Variants in IQSEC1 observed in about 807,000 individuals in gnomAD.
IQSEC1 encodes IQ motif and Sec7 domain ArfGEF 1.
In IQSEC1, 31 loss-of-function variants were observed where a neutral mutation model predicts 91.0. The ratio of observed to expected loss-of-function variants is 0.34; its 90% CI spans 0.26 to 0.46. IQSEC1 has a LOEUF of 0.46. Ranked by LOEUF, IQSEC1 falls within the 20% of genes least tolerant of loss-of-function variation. The pLI, the probability that IQSEC1 is intolerant of heterozygous loss-of-function variation, is 1.00. For synonymous variants in IQSEC1, 699 were observed against 662.6 expected, an observed-to-expected ratio of 1.05 and a Z score of -0.84; for missense variants, 1,388 against 1,575.6, an observed-to-expected ratio of 0.88 and a Z score of 2.02.
chr3:12,943,606 G>A (rs959393500), intron 1 of IQSEC1, among the ~76,000 whole-genome samples: 4 of 152,168 alleles, frequency 2.6e-5, no homozygotes, highest in Non-Finnish European at 5.9e-5. Context: ...ACTCAGCTGC[G>A]GTGCCCCCTC....
intron 5 of IQSEC1, among the ~76,000 whole-genome samples, chr3:12,921,530 A>C (rs533958108): frequency 6.6e-6 from 1 of 152,374 alleles, no homozygotes; most frequent in African/African-American, 2.4e-5. Flanking sequence ...AACTGGGCTA[A>C]GTGTGCCCAC....
At chr3:13,180,580 C>T (rs574976667) in intron 1 of IQSEC1, among the ~76,000 whole-genome samples, 4,895 of 152,086 alleles carry the variant, frequency 0.032, 259 homozygotes, top group African/African-American at 0.11. Context: ...GGGTCCCCTT[C>T]CACACTGTGG....
At chr3:13,210,499 G>A (rs1350162538) in intron 1 of IQSEC1, among the ~76,000 whole-genome samples, 1 of 152,156 alleles carries the variant, frequency 6.6e-6, no homozygotes, top group Non-Finnish European at 1.5e-5. Flanking sequence ...CCCCTCCCCT[G>A]GGATAATTGC....
intron 2 of IQSEC1, among the ~76,000 whole-genome samples, chr3:13,114,498 T>C (rs1207173892): frequency 6.6e-6 from 1 of 152,022 alleles, no homozygotes; most frequent in Non-Finnish European, 1.5e-5. Context: ...TTTTTTAAAA[T>C]AAAAAAATAT....
intron 2 of IQSEC1, among the ~76,000 whole-genome samples, chr3:13,160,439 G>A (rs1707155432): frequency 6.6e-6 from 1 of 152,202 alleles, no homozygotes; most frequent in African/African-American, 2.4e-5. Flanking sequence ...GGGATTACAA[G>A]TGTGAGCCCC....
At chr3:13,167,661 C>T (rs576478530) in intron 1 of IQSEC1, among the ~76,000 whole-genome samples, 1 of 152,286 alleles carries the variant, frequency 6.6e-6, no homozygotes, top group South Asian at 2.1e-4. Context: ...TGGCTGTCCT[C>T]ACAAGAGCAT....
At chr3:13,263,404 A>G (rs553578287) in intron 1 of IQSEC1, among the ~76,000 whole-genome samples, 1 of 139,224 alleles carries the variant, frequency 7.2e-6, no homozygotes, top group African/African-American at 2.6e-5. Context: ...TGGGGGGAAA[A>G]AAGTACCTGA....
chr3:13,126,903 G>C (rs1233113846), intron 2 of IQSEC1, among the ~76,000 whole-genome samples: 2 of 152,012 alleles, frequency 1.3e-5, no homozygotes, highest in African/African-American at 2.4e-5. Context: ...CCTAGCCCTA[G>C]GTCCTAAAGA....
intron 2 of IQSEC1, among the ~76,000 whole-genome samples, chr3:13,102,453 C>T (rs1033227417): frequency 2.6e-5 from 4 of 152,014 alleles, no homozygotes; most frequent in Admixed American, 1.3e-4. Context: ...TTTCCTCACC[C>T]GTGTGGTTTG....
At chr3:12,941,289 T>C (rs962329275) in intron 2 of IQSEC1, among the ~76,000 whole-genome samples, 4 of 152,194 alleles carry the variant, frequency 2.6e-5, no homozygotes, top group Non-Finnish European at 4.4e-5. Context: ...ACCCGGGCCA[T>C]GGCAAAGGCC....
chr3:13,223,707 G>A (rs1014994955), intron 1 of IQSEC1, among the ~76,000 whole-genome samples: 1 of 152,254 alleles, frequency 6.6e-6, no homozygotes, highest in Non-Finnish European at 1.5e-5. Flanking sequence ...GGCGTCTGCA[G>A]AGGAAGTCAA....
chr3:13,063,157 C>T (rs960258472), intron 1 of IQSEC1, among the ~76,000 whole-genome samples: 1 of 152,156 alleles, frequency 6.6e-6, no homozygotes, highest in Non-Finnish European at 1.5e-5. Flanking sequence ...AGAGAGCCGA[C>T]ACCACGCCCA....
At chr3:13,123,240 AG>A (rs1427440524) in intron 2 of IQSEC1, among the ~76,000 whole-genome samples, 1 of 152,244 alleles carries the variant, frequency 6.6e-6, no homozygotes, top group Non-Finnish European at 1.5e-5. Flanking sequence ...ACAGGTGTCC[AG>A]TCCAGGGGAG....
chr3:13,039,058 G>A (rs1001482816), intron 1 of IQSEC1, among the ~76,000 whole-genome samples: 1 of 152,166 alleles, frequency 6.6e-6, no homozygotes. Flanking sequence ...CTGGGCGATG[G>A]GTATACTACT....
chr3:13,059,665 C>T (rs1293014133), intron 1 of IQSEC1, among the ~76,000 whole-genome samples: 3 of 152,134 alleles, frequency 2.0e-5, no homozygotes, highest in Non-Finnish European at 4.4e-5. Context: ...GTGGGAGGAT[C>T]ACCCGAGCCC....
intron 1 of IQSEC1, among the ~76,000 whole-genome samples, chr3:12,965,327 C>T (rs1452965564): frequency 6.6e-6 from 1 of 152,188 alleles, no homozygotes; most frequent in African/African-American, 2.4e-5. Context: ...GTTTCTGGAC[C>T]GTGCTGCATC....
rs1693979015 is a variant in IQSEC1, at chr3:12,899,331, C to T, written c.*1652G>A. ...CGCAGAGTCAGGCGTGAGCTTCGCC[C>T]TTTCTGAAAGGGCCTCCGCCTGGGC... On this transcript the variant is annotated 3_prime_UTR_variant, in exon 14 of 14. Coordinates refer to ENST00000613206, the MANE Select transcript of IQSEC1 (RefSeq NM_001134382.3). The T allele has an allele frequency of 3.8e-6, 6 of 1,590,818 alleles. No individual in the cohort carries two copies. The highest frequency in any genetic ancestry group is 5.2e-6 in the Non-Finnish European group (6 of 1,164,170).
At chr3:13,231,298 T>G (rs116645339) in intron 1 of IQSEC1, among the ~76,000 whole-genome samples, 2 of 152,314 alleles carry the variant, frequency 1.3e-5, no homozygotes, top group South Asian at 4.1e-4. Flanking sequence ...TGCCCACGTG[T>G]GCACACATGT....
At chr3:13,263,177 G>A (rs1280002197) in intron 1 of IQSEC1, among the ~76,000 whole-genome samples, 1 of 152,078 alleles carries the variant, frequency 6.6e-6, no homozygotes, top group East Asian at 1.9e-4. Flanking sequence ...TTGAGCCTCG[G>A]AGGCAGAGGT....
Sources: gnomAD v4.1 joint callset for allele counts (sites outside exome capture counted in the v4.1 genomes callset) on GRCh38, gnomAD v4.1.1 for gene constraint, MANE v1.5 for transcripts, NCBI Gene and HGNC (gene_info 2026-07-23, HGNC 2026-07-21) for gene names.